The following DLGAP2 variants were observed in gnomAD, a reference collection of about 807,000 sequenced individuals.
The protein encoded by DLGAP2 is DLG associated protein 2.
A neutral mutation model predicts 100.3 loss-of-function variants in DLGAP2; 26 were observed. That is an observed-to-expected ratio of 0.26 (90% CI 0.19 to 0.36). The LOEUF (loss-of-function observed/expected upper bound fraction) is 0.36, where lower values mean the gene tolerates loss of function less well. Among genes scored for constraint, DLGAP2 ranks in the 10% least tolerant of loss-of-function variants. DLGAP2 has a pLI of 1.00. For synonymous variants in DLGAP2, 886 were observed against 630.1 expected, an observed-to-expected ratio of 1.41 and a Z score of -6.08; for missense variants, 1,858 against 1,453.2, an observed-to-expected ratio of 1.28 and a Z score of -4.53.
chr8:1,269,812 G>C (rs112274958), intron 3 of DLGAP2, among the ~76,000 whole-genome samples: 30 of 152,272 alleles, frequency 2.0e-4, no homozygotes, highest in African/African-American at 7.2e-4. Flanking sequence ...TATTTTTAAA[G>C]CTAGAGAATC....
chr8:833,286 C>G (rs10106028), intron 1 of DLGAP2, among the ~76,000 whole-genome samples: 4 of 152,082 alleles, frequency 2.6e-5, no homozygotes, highest in African/African-American at 9.7e-5. Context: ...TTTGCTGTAA[C>G]AAATTACCAC....
At chr8:1,530,863 T>C (rs1800966308) in intron 4 of DLGAP2, among the ~76,000 whole-genome samples, 1 of 152,312 alleles carries the variant, frequency 6.6e-6, no homozygotes, top group Middle Eastern at 3.4e-3. Context: ...AGGTGAAGAC[T>C]TGGGGTCAGA....
chr8:1,064,605 G>C (rs1220315200), intron 2 of DLGAP2, among the ~76,000 whole-genome samples: 2 of 152,164 alleles, frequency 1.3e-5, no homozygotes, highest in Non-Finnish European at 2.9e-5. Context: ...TATTTAATTT[G>C]ATGGCTTTCT....
chr8:759,076 CCCCCACAGCCTT>C (rs1820996465), intron 1 of DLGAP2, among the ~76,000 whole-genome samples: 2 of 71,438 alleles, frequency 2.8e-5, no homozygotes, highest in African/African-American at 8.3e-5. Context: ...TTATCAATAC[CCCCCACAGCCTT>C]CCTGTTATCA....
At chr8:1,616,263 G>A (rs1797150528) in intron 6 of DLGAP2, among the ~76,000 whole-genome samples, 1 of 152,144 alleles carries the variant, frequency 6.6e-6, no homozygotes, top group African/African-American at 2.4e-5. Context: ...TGTGTAGTAA[G>A]AAGAAGTGAA....
intron 4 of DLGAP2, among the ~76,000 whole-genome samples, chr8:1,541,254 C>A (rs1801352611): frequency 1.3e-5 from 2 of 152,176 alleles, no homozygotes; most frequent in African/African-American, 4.8e-5. Context: ...TTTATTCATT[C>A]CATTATCAAA....
intron 3 of DLGAP2, among the ~76,000 whole-genome samples, chr8:1,448,487 G>T (rs1328993401): frequency 6.6e-6 from 1 of 152,106 alleles, no homozygotes; most frequent in South Asian, 2.1e-4. Context: ...TACATTTGCT[G>T]AGGAGAGCTT....
rs141192326 is a variant in DLGAP2 at position 1,150,857 on chromosome 8, C to G, written c.74-107994C>G. ...ATTATTTGAAATATATTAAACACCA[C>G]TTCTCAAATAAGTTTTTCTGACTTT... On this transcript the variant is annotated intron_variant, in intron 2 of 14. Transcript: ENST00000637795. 1.8e-4 allele frequency among the ~76,000 whole-genome samples: 28 copies of G among 152,304 alleles called. 1 individual carries two copies. The East Asian group carries it at 5.4e-3, about 29-fold the overall frequency.
At chr8:1,130,179 C>G (rs1389308076) in intron 2 of DLGAP2, among the ~76,000 whole-genome samples, 5 of 152,074 alleles carry the variant, frequency 3.3e-5, no homozygotes, top group East Asian at 1.9e-4. Flanking sequence ...TGCAGAGGGA[C>G]CTTCAGTTAA....
intron 3 of DLGAP2, among the ~76,000 whole-genome samples, chr8:1,285,560 C>G (rs189807715): frequency 6.6e-6 from 1 of 152,158 alleles, no homozygotes; most frequent in Admixed American, 6.5e-5. Context: ...CCCACGTGAA[C>G]AAGACACACC....
chr8:1,228,906 A>G (rs1239809706), intron 2 of DLGAP2, among the ~76,000 whole-genome samples: 1 of 152,186 alleles, frequency 6.6e-6, no homozygotes, highest in African/African-American at 2.4e-5. Flanking sequence ...TCTATTCAAC[A>G]TTGTACTGGA....
chr8:1,424,242 G>C (rs937295681), intron 3 of DLGAP2, among the ~76,000 whole-genome samples: 3 of 152,184 alleles, frequency 2.0e-5, no homozygotes, highest in African/African-American at 7.2e-5. Flanking sequence ...ACGTAAGAAA[G>C]TCACAGCAAA....
intron 2 of DLGAP2, among the ~76,000 whole-genome samples, chr8:1,128,937 C>T (rs144140677): frequency 6.0e-4 from 92 of 152,238 alleles, no homozygotes; most frequent in Non-Finnish European, 1.0e-3. Context: ...GCAGGGTGGC[C>T]GGTGTGTGTG....
At chr8:800,986 C>A (rs999528421) in intron 1 of DLGAP2, among the ~76,000 whole-genome samples, 2 of 152,236 alleles carry the variant, frequency 1.3e-5, no homozygotes, top group South Asian at 2.1e-4. Flanking sequence ...CACCTGCCAC[C>A]GTCCACAGCC....
chr8:807,753 A>G (rs1276644392), intron 1 of DLGAP2, among the ~76,000 whole-genome samples: 2 of 152,216 alleles, frequency 1.3e-5, no homozygotes, highest in African/African-American at 2.4e-5. Context: ...CTAAAAGGCA[A>G]TTTCTTAGCT....
At chr8:1,341,701 T>C (rs1801422081) in intron 3 of DLGAP2, among the ~76,000 whole-genome samples, 1 of 152,208 alleles carries the variant, frequency 6.6e-6, no homozygotes, top group South Asian at 2.1e-4. Context: ...CCTGACCCTC[T>C]GGTGTCTCCC....
At chr8:1,490,186 G>T (rs1056205791) in intron 3 of DLGAP2, among the ~76,000 whole-genome samples, 6 of 152,128 alleles carry the variant, frequency 3.9e-5, no homozygotes, top group Non-Finnish European at 8.8e-5. Flanking sequence ...CACTGCGCCC[G>T]GCTTCATTTT....
At chr8:1,239,852 C>A in intron 2 of DLGAP2, among the ~76,000 whole-genome samples, 1 of 73,386 alleles carries the variant, frequency 1.4e-5, no homozygotes, top group Admixed American at 1.4e-4. Flanking sequence ...AGCGTCATGT[C>A]TAGTTCTCTC....
rs148324025 is a variant in DLGAP2, at chr8:1,078,315, C to T, written c.73+170349C>T. Among the ~76,000 whole-genome samples, 70 of 152,328 alleles carry T rather than the reference C, an allele frequency of 4.6e-4. 3 individuals carry two copies. In the East Asian group the frequency reaches 0.013, roughly 28 times the overall value. On this transcript the variant is annotated intron_variant, in intron 2 of 14. Transcript: ENST00000637795. ...TTGAGCTGAAATTACAGAGTTCCCA[C>T]CTACTCTTTTTGCCTGTATTCCATT...
Sources: allele counts gnomAD v4.1 joint callset (sites outside exome capture counted in the v4.1 genomes callset), GRCh38; gene constraint gnomAD v4.1.1; transcripts MANE v1.5; gene names NCBI Gene and HGNC (gene_info 2026-07-23, HGNC 2026-07-21).